MARK4: variants seen among roughly 807,000 people sequenced by gnomAD.
The protein encoded by MARK4 is microtubule affinity regulating kinase 4.
Under a neutral mutation model 81.5 loss-of-function variants are expected in MARK4, and 19 were observed. The ratio of observed to expected loss-of-function variants is 0.23; its 90% CI spans 0.16 to 0.34. MARK4 has a LOEUF of 0.34. MARK4 is among the 10% of genes least tolerant of loss of function. The pLI is 1.00. For synonymous variants in MARK4, 436 were observed against 439.0 expected (o/e 0.99, Z 0.08); for missense variants, 772 against 1,058.8 (o/e 0.73, Z 3.76).
chr19:45,280,301 CAAAAA>C (rs112096798), intron 10 of MARK4, 68 bp from the exon 11 acceptor site: 5 of 1,341,406 alleles, frequency 3.7e-6, no homozygotes, highest in Non-Finnish European at 3.2e-6. Context: ...CACCCTGTCT[CAAAAA>C]AAAAGAGAAA....
chr19:45,270,578 C>T (rs572524381), intron 7 of MARK4, among the ~76,000 whole-genome samples: 10 of 152,138 alleles, frequency 6.6e-5, no homozygotes, highest in South Asian at 2.1e-4. Flanking sequence ...ACATAGTACT[C>T]GCTGGGTATG....
intron 8 of MARK4, among the ~76,000 whole-genome samples, chr19:45,273,498 T>G (rs1189932738): frequency 6.6e-6 from 1 of 152,180 alleles, no homozygotes; most frequent in Non-Finnish European, 1.5e-5. Flanking sequence ...CCCAGGAATA[T>G]CTTTGGCAGC....
At position 45,286,212 on chromosome 19, in the gene MARK4, T is replaced by C. The variant is rs190951245; in HGVS notation, c.1277-1235T>C. Among the ~76,000 whole-genome samples the C allele has an allele frequency of 6.7e-3, 1,014 of 152,014 alleles. 9 individuals carry two copies. The highest frequency in any genetic ancestry group is 0.022 in the African/African-American group (907 of 41,518). The stretch of plus-strand genomic sequence containing the variant: ...CTGGGATTACAGGTGCATGCCACCA[T>C]GCCCAGCTAATTTTTGTATTTTTAG... On this transcript the variant is annotated intron_variant, in intron 12 of 16. Transcript: ENST00000262891.
chr19:45,258,362 T>G (rs1453958012), intron 1 of MARK4, among the ~76,000 whole-genome samples: 2 of 152,162 alleles, frequency 1.3e-5, no homozygotes, highest in Non-Finnish European at 2.9e-5. Flanking sequence ...TTTGCTTTAT[T>G]GCGGTGGTCT....
In MARK4 at chr19:45,303,298, C is replaced by T. The variant is rs186305239; in HGVS notation, c.*588C>T. The T allele has an allele frequency of 1.7e-3, 262 of 154,150 alleles. 1 individual carries two copies. Among genetic ancestry groups the T allele is most frequent in the South Asian group, 4.9e-3 (24 of 4,896 alleles). 9.5% of individuals were successfully genotyped at this position (154,150 alleles called of 1,614,324 possible). ...CTACGGTTTTTAAGTTATTACACCC[C>T]GACCCTCCTCCTGTCAGCCCCCTCA... On this transcript the variant is annotated 3_prime_UTR_variant, in exon 17 of 17. Transcript: ENST00000262891.
rs1349677915 is a variant in MARK4, at chr19:45,304,391, CAAAG to C, written c.*1682_*1685del. On this transcript the variant is annotated 3_prime_UTR_variant, in exon 17 of 17. Transcript: ENST00000262891. ...AGAGCTGCACTTAGTAGGGGTTCCT[CAAAG>C]GAAGGTCAAGTGTCATGAGCAGGAG... is the stretch of plus-strand genomic sequence containing the variant. 3 of 152,252 alleles carry C rather than the reference CAAAG, an allele frequency of 2.0e-5. No homozygotes were observed. Among genetic ancestry groups the C allele is most frequent in the Non-Finnish European group, 4.4e-5 (3 of 68,120 alleles). The allele number at this position is 152,252 out of a possible 1,614,324, so 9.4% of individuals were successfully genotyped here. A position where few individuals can be genotyped will look rare whatever the true frequency, so the allele number is the denominator to read the frequency against.
At chr19:45,264,953 C>A (rs1970431858) in intron 6 of MARK4, 43 bp downstream of exon 6, 1 of 1,600,032 alleles carries the variant, frequency 6.2e-7, no homozygotes, top group South Asian at 1.1e-5. Context: ...GTGCCTGGGT[C>A]CCTGGGAGGG....
At chr19:45,290,762 T>G (rs1970810139) in intron 13 of MARK4, among the ~76,000 whole-genome samples, 1 of 152,124 alleles carries the variant, frequency 6.6e-6, no homozygotes, top group African/African-American at 2.4e-5. Context: ...ACCGGCTGTG[T>G]TTGGTTTGGC....
intron 10 of MARK4, 131 bp from the exon 11 acceptor site, chr19:45,280,243 A>G (rs533926030): frequency 5.3e-6 from 4 of 756,434 alleles, no homozygotes; most frequent in Non-Finnish European, 9.1e-6. Flanking sequence ...CCGAGGCTGC[A>G]GTGAGCTGTG....
At chr19:45,293,664 G>C (rs1429354909) in intron 13 of MARK4, among the ~76,000 whole-genome samples, 2 of 152,172 alleles carry the variant, frequency 1.3e-5, no homozygotes, top group Non-Finnish European at 2.9e-5. Context: ...CCAGAGAATA[G>C]AAAAAGAGGG....
rs780764139 is a variant in MARK4, at chr19:45,280,441, C to T, written c.1074C>T (p.Asn358=). The T allele has an allele frequency of 1.5e-5, 25 of 1,614,066 alleles. No individual in the cohort carries two copies. Among genetic ancestry groups the T allele is most frequent in the Admixed American group, 1.3e-4 (8 of 60,002 alleles). Residue 358 remains asparagine (N), a synonymous_variant, in exon 11 of 17, where the codon AAC becomes AAT. Transcript: ENST00000262891. ...AGTCCTTGACCAGCCAGAAGTACAA[C>T]GAAGTGACCGCCACCTACCTCCTGC... ...IKESLTSQKY[N]EVTATYLLLG... is the part of the protein sequence containing the mutation.
At chr19:45,280,541 G>T (rs946440027) in intron 11 of MARK4, 34 bp from the exon 12 acceptor site, 1 of 1,613,990 alleles carries the variant, frequency 6.2e-7, no homozygotes, top group Non-Finnish European at 8.5e-7. Flanking sequence ...GGGACTTGGG[G>T]TGCAGAAGAG....
chr19:45,267,152 G>A (rs570926279), intron 7 of MARK4, among the ~76,000 whole-genome samples: 17 of 152,066 alleles, frequency 1.1e-4, no homozygotes, highest in East Asian at 7.8e-4. Context: ...TCCGCCTCCC[G>A]GGTTCAGGCG....
At chr19:45,267,395 G>A (rs1296792231) in intron 7 of MARK4, among the ~76,000 whole-genome samples, 2 of 152,136 alleles carry the variant, frequency 1.3e-5, no homozygotes, top group Admixed American at 1.3e-4. Flanking sequence ...ACCTTGGCCA[G>A]TACCAGGCAG....
chr19:45,301,878 A>G (rs1037553593), intron 16 of MARK4, among the ~76,000 whole-genome samples: 6 of 148,934 alleles, frequency 4.0e-5, no homozygotes, highest in South Asian at 2.1e-4. Flanking sequence ...AAAAAAAAAA[A>G]AAAAGAAAAG....
intron 12 of MARK4, among the ~76,000 whole-genome samples, chr19:45,285,051 A>G (rs1202669984): frequency 6.6e-6 from 1 of 152,076 alleles, no homozygotes; most frequent in African/African-American, 2.4e-5. Context: ...AGATTGTGCC[A>G]TTGCACTTCA....
intron 15 of MARK4, 140 bp downstream of exon 15, chr19:45,298,094 C>CTCG (rs770419410): frequency 9.4e-6 from 15 of 1,593,414 alleles, no homozygotes; most frequent in Admixed American, 3.4e-5. Flanking sequence ...CCTCCTCCTC[C>CTCG]TCCTTTCCTC....
At chr19:45,267,249 A>T (rs940025824) in intron 7 of MARK4, among the ~76,000 whole-genome samples, 2 of 151,776 alleles carry the variant, frequency 1.3e-5, no homozygotes, top group Non-Finnish European at 2.9e-5. Context: ...GTAGAGACGG[A>T]GTTTCACCAT....
chr19:45,273,461 G>A (rs529418918), intron 8 of MARK4, among the ~76,000 whole-genome samples: 1 of 152,262 alleles, frequency 6.6e-6, no homozygotes, highest in South Asian at 2.1e-4. Flanking sequence ...TCTACGCCAT[G>A]GCCCATACTC....
Sources: gnomAD v4.1 joint callset for allele counts (sites outside exome capture counted in the v4.1 genomes callset) on GRCh38, gnomAD v4.1.1 for gene constraint, MANE v1.5 for transcripts, NCBI Gene and HGNC (gene_info 2026-07-23, HGNC 2026-07-21) for gene names.